Variants in EYA1 observed in about 807,000 individuals in gnomAD.
EYA1 encodes EYA transcriptional coactivator and phosphatase 1.
In EYA1, 16 loss-of-function variants were observed where a neutral mutation model predicts 82.0. That is an observed-to-expected ratio of 0.20 (90% CI 0.13 to 0.30). EYA1 has a LOEUF of 0.30. Ranked by LOEUF, EYA1 falls within the 10% of genes least tolerant of loss-of-function variation. The probability of loss-of-function intolerance (pLI) is 1.00; values close to 1 mark genes in which losing one functional copy is unlikely to be tolerated. For synonymous variants in EYA1, 261 were observed against 264.4 expected, an observed-to-expected ratio of 0.99 and a Z score of 0.12; for missense variants, 633 against 730.7, an observed-to-expected ratio of 0.87 and a Z score of 1.54.
intron 2 of EYA1, among the ~76,000 whole-genome samples, chr8:71,435,126 G>A (rs1805909254): frequency 6.6e-6 from 1 of 152,048 alleles, no homozygotes. Context: ...CATCATTCAA[G>A]GTTCTGGGAA....
intron 1 of EYA1, among the ~76,000 whole-genome samples, chr8:71,541,485 T>C (rs1407212111): frequency 6.6e-6 from 1 of 152,222 alleles, no homozygotes; most frequent in African/African-American, 2.4e-5. Context: ...TCAAATGAAC[T>C]GATGCTAATT....
chr8:71,376,469 G>A lies in EYA1; in HGVS notation c.34-19958C>T, dbSNP rs187339783. Reference sequence around the variant, plus strand: ...GTGACATGATCTGATTTATGTGTAAGGAAGGCCGCTGTGTGGAGGATGAAC... The same window carrying A: ...GTGACATGATCTGATTTATGTGTAAAGAAGGCCGCTGTGTGGAGGATGAAC... On this transcript the variant is annotated intron_variant, in intron 2 of 18. Transcript: ENST00000643681. Among the ~76,000 whole-genome samples the A allele has an allele frequency of 4.0e-3, 613 of 152,248 alleles. 6 individuals carry two copies. Among genetic ancestry groups the A allele is most frequent in the South Asian group, 0.011 (52 of 4,810 alleles).
intron 2 of EYA1, among the ~76,000 whole-genome samples, chr8:71,503,617 A>G (rs1401383581): frequency 2.0e-5 from 3 of 152,216 alleles, no homozygotes; most frequent in Non-Finnish European, 2.9e-5. Context: ...TCGCCAAAAT[A>G]AATGTACTCA....
intron 3 of EYA1, among the ~76,000 whole-genome samples, chr8:71,346,064 G>A (rs191747441): frequency 2.6e-5 from 4 of 151,734 alleles, no homozygotes; most frequent in African/African-American, 7.3e-5. Context: ...GAATGTCTTC[G>A]TCACAGCTAT....
intron 2 of EYA1, among the ~76,000 whole-genome samples, chr8:71,489,584 T>C (rs1303489898): frequency 6.6e-6 from 1 of 152,240 alleles, no homozygotes; most frequent in Non-Finnish European, 1.5e-5. Flanking sequence ...TGTATGTTTT[T>C]GAACAGTTCT....
chr8:71,476,060 T>G (rs1441782906), intron 2 of EYA1, among the ~76,000 whole-genome samples: 1 of 152,166 alleles, frequency 6.6e-6, no homozygotes, highest in Non-Finnish European at 1.5e-5. Context: ...TCATGTTGAA[T>G]GAACTAGCAT....
At chr8:71,204,346 C>A (rs1057119827) in intron 17 of EYA1, 1 of 152,174 alleles carries the variant, frequency 6.6e-6, no homozygotes, top group African/African-American at 2.4e-5. Context: ...TATGTGGATA[C>A]ATATATGTAA....
At chr8:71,329,429 A>G (rs1407916820) in intron 4 of EYA1, among the ~76,000 whole-genome samples, 2 of 152,266 alleles carry the variant, frequency 1.3e-5, no homozygotes, top group East Asian at 3.9e-4. Context: ...GCCCTTGTAG[A>G]GAAAAATCAC....
At chr8:71,266,857 G>C (rs1028690721) in intron 11 of EYA1, among the ~76,000 whole-genome samples, 5 of 151,976 alleles carry the variant, frequency 3.3e-5, no homozygotes, top group African/African-American at 1.2e-4. Flanking sequence ...ACAAATATAC[G>C]ACTATTTTCT....
intron 2 of EYA1, among the ~76,000 whole-genome samples, chr8:71,513,391 T>C (rs1023121864): frequency 3.3e-5 from 5 of 152,136 alleles, no homozygotes; most frequent in African/African-American, 1.2e-4. Flanking sequence ...AAAAAGTCAA[T>C]AGTCTGTTTA....
At chr8:71,486,007 GT>G (rs1262266189) in intron 2 of EYA1, among the ~76,000 whole-genome samples, 1 of 152,184 alleles carries the variant, frequency 6.6e-6, no homozygotes, top group Non-Finnish European at 1.5e-5. Flanking sequence ...CAGAAATAGA[GT>G]TTAATTAGCA....
At chr8:71,323,346 T>C (rs1440246176) in intron 4 of EYA1, among the ~76,000 whole-genome samples, 2 of 152,208 alleles carry the variant, frequency 1.3e-5, no homozygotes, top group Non-Finnish European at 2.9e-5. Flanking sequence ...GGAGGCTCTA[T>C]TATTTATTAA....
intron 2 of EYA1, among the ~76,000 whole-genome samples, chr8:71,389,598 C>A (rs1481934981): frequency 4.7e-4 from 71 of 152,220 alleles, no homozygotes; most frequent in Non-Finnish European, 1.5e-4. Context: ...TTAAGAATAT[C>A]AACATCATGG....
At chr8:71,535,108 G>A (rs1158364219) in intron 2 of EYA1, among the ~76,000 whole-genome samples, 2 of 151,934 alleles carry the variant, frequency 1.3e-5, no homozygotes, top group Admixed American at 1.3e-4. Context: ...AATTATTCAA[G>A]TTCTAAATAA....
intron 2 of EYA1, among the ~76,000 whole-genome samples, chr8:71,378,960 T>C (rs62506655): frequency 0.24 from 36,318 of 151,926 alleles, 5,178 homozygotes; most frequent in East Asian, 0.7. Context: ...GACTTTTAGC[T>C]TCGGAATGAA....
intron 2 of EYA1, among the ~76,000 whole-genome samples, chr8:71,451,843 C>T (rs561246951): frequency 2.0e-5 from 3 of 152,292 alleles, no homozygotes; most frequent in East Asian, 1.9e-4. Context: ...CCAGTGTGAG[C>T]GACGCAGAAG....
chr8:71,335,161 T>A (rs1824341295), intron 3 of EYA1, among the ~76,000 whole-genome samples: 1 of 152,222 alleles, frequency 6.6e-6, no homozygotes, highest in African/African-American at 2.4e-5. Context: ...GCAGTAATAT[T>A]TTAAGGGATA....
intron 2 of EYA1, among the ~76,000 whole-genome samples, chr8:71,424,241 C>A (rs1831299855): frequency 6.6e-6 from 1 of 152,096 alleles, no homozygotes; most frequent in South Asian, 2.1e-4. Context: ...TATAAGCAAT[C>A]AAATTTCCTA....
At position 71,432,680 on chromosome 8, in the gene EYA1, A is replaced by G. The variant is rs117308450; in HGVS notation, c.34-76169T>C. On this transcript the variant is annotated intron_variant, in intron 2 of 18. Coordinates refer to the EYA1 transcript ENST00000643681. ...CCCACATGACCTAATTTTACCTTAAATGTCTCTTTAAAGAATCTCTTTTCA... is the reference window on the plus strand; with the variant it reads ...CCCACATGACCTAATTTTACCTTAAGTGTCTCTTTAAAGAATCTCTTTTCA... Among the ~76,000 whole-genome samples, 8 of 152,276 alleles carry G rather than the reference A, an allele frequency of 5.3e-5. No individual in the cohort carries two copies. The East Asian group carries it at 1.5e-3, about 29-fold the overall frequency.
Sources: allele counts gnomAD v4.1 joint callset (sites outside exome capture counted in the v4.1 genomes callset), GRCh38; gene constraint gnomAD v4.1.1; transcripts MANE v1.5; gene names NCBI Gene and HGNC (gene_info 2026-07-23, HGNC 2026-07-21).